ADGRB3: variants seen among roughly 807,000 people sequenced by gnomAD.
ADGRB3 encodes the protein brain-specific angiogenesis inhibitor 3.
In ADGRB3, 37 loss-of-function variants were observed where a neutral mutation model predicts 193.4. The observed-to-expected ratio is 0.19, with a 90% CI of 0.15 to 0.25. The LOEUF is 0.25. Among genes scored for constraint, ADGRB3 ranks in the 10% least tolerant of loss-of-function variants. ADGRB3 has a pLI of 1.00. For missense variants in ADGRB3, 1,637 were observed against 1,852.9 expected (o/e 0.88, Z 2.14); for synonymous variants, 690 against 644.2 (o/e 1.07, Z -1.08).
chr6:68,949,898 T>C (rs1767870266), intron 6 of ADGRB3, among the ~76,000 whole-genome samples: 1 of 152,138 alleles, frequency 6.6e-6, no homozygotes, highest in African/African-American at 2.4e-5. Context: ...CTTATCAACT[T>C]TTTTATCCTT....
chr6:69,218,974 A>G (rs180975386), intron 17 of ADGRB3, among the ~76,000 whole-genome samples: 77 of 152,234 alleles, frequency 5.1e-4, no homozygotes, highest in African/African-American at 1.8e-3. Context: ...TCCACAATGT[A>G]GTTACTGTAC....
intron 11 of ADGRB3, among the ~76,000 whole-genome samples, chr6:69,010,235 C>T (rs984783603): frequency 6.6e-6 from 1 of 151,998 alleles, no homozygotes; most frequent in African/African-American, 2.4e-5. Flanking sequence ...TCCCTGAAAC[C>T]CTCTCCCACC....
Position 69,354,348 on chromosome 6 carries a change from C to G in ADGRB3, c.3555+20C>G, listed in dbSNP as rs373257377. On this transcript the variant is annotated intron_variant, in intron 27 of 31. Transcript: ENST00000370598. Reference sequence around the variant, plus strand: ...ATCATGGTGAGTTTTTATTTTTCCCCGATTGTTAATTAACTCATGATTTCT... The same window carrying G: ...ATCATGGTGAGTTTTTATTTTTCCCGGATTGTTAATTAACTCATGATTTCT... The G allele has an allele frequency of 3.8e-6, 6 of 1,566,562 alleles. No individual in the cohort carries two copies. The highest frequency in any genetic ancestry group is 5.3e-6 in the Non-Finnish European group (6 of 1,137,238).
At chr6:69,106,656 A>G (rs1347822557) in intron 17 of ADGRB3, among the ~76,000 whole-genome samples, 2 of 152,250 alleles carry the variant, frequency 1.3e-5, no homozygotes, top group African/African-American at 4.8e-5. Flanking sequence ...TATGCTTTAT[A>G]GTAAAGCCTG....
At chr6:69,213,177 C>G (rs765499255) in intron 17 of ADGRB3, among the ~76,000 whole-genome samples, 1 of 152,206 alleles carries the variant, frequency 6.6e-6, no homozygotes, top group Admixed American at 6.5e-5. Context: ...ACTCTCCCCA[C>G]TTGGCTTCAG....
At chr6:69,361,611 G>A in intron 29 of ADGRB3, 99 bp downstream of exon 29, 4 of 1,340,864 alleles carry the variant, frequency 3.0e-6, no homozygotes, top group Non-Finnish European at 4.1e-6. Flanking sequence ...TGTGACACTG[G>A]TGTGGGAAGA....
chr6:69,332,703 G>A, intron 23 of ADGRB3: 1 of 985,370 alleles, frequency 1.0e-6, no homozygotes, highest in Non-Finnish European at 1.2e-6. Flanking sequence ...TGCAAAGCAT[G>A]GAAATTAAAT....
At chr6:68,923,552 G>A (rs951669166) in intron 3 of ADGRB3, among the ~76,000 whole-genome samples, 4 of 151,932 alleles carry the variant, frequency 2.6e-5, no homozygotes, top group African/African-American at 9.7e-5. Context: ...ACCAATAGTA[G>A]TACTATAAAA....
intron 17 of ADGRB3, 74 bp downstream of exon 17, chr6:69,076,112 C>A: frequency 1.5e-6 from 2 of 1,306,786 alleles, no homozygotes; most frequent in Non-Finnish European, 2.2e-6. Context: ...CAGCTGCCTG[C>A]TAGTTAACAG....
intron 3 of ADGRB3, among the ~76,000 whole-genome samples, chr6:68,871,397 C>T (rs556154302): frequency 6.6e-6 from 1 of 152,040 alleles, no homozygotes; most frequent in Admixed American, 6.5e-5. Flanking sequence ...TTAACTTAGG[C>T]AAATTTAATG....
chr6:68,955,913 C>CAT, intron 6 of ADGRB3, 111 bp from the exon 7 acceptor site: 1 of 1,021,184 alleles, frequency 9.8e-7, no homozygotes, highest in Non-Finnish European at 1.4e-6. Flanking sequence ...TGTATTCATT[C>CAT]ATAGTCCATT....
At chr6:68,955,310 T>A (rs1256528083) in intron 6 of ADGRB3, among the ~76,000 whole-genome samples, 1 of 152,232 alleles carries the variant, frequency 6.6e-6, no homozygotes, top group Non-Finnish European at 1.5e-5. Flanking sequence ...AACACTGCCA[T>A]GTAATTGATT....
intron 3 of ADGRB3, among the ~76,000 whole-genome samples, chr6:68,897,966 AATTATATATAATATTACAT>A (rs1766286875): frequency 6.8e-6 from 1 of 147,676 alleles, no homozygotes; most frequent in East Asian, 1.9e-4. Context: ...ATATAATAAT[AATTATATATAATATTACAT>A]ATTATATATA....
chr6:69,242,035 C>T (rs556096588), intron 20 of ADGRB3, among the ~76,000 whole-genome samples: 1 of 151,908 alleles, frequency 6.6e-6, no homozygotes, highest in East Asian at 1.9e-4. Flanking sequence ...AACAATATCA[C>T]ATTTTCTAGG....
At chr6:69,018,248 AAATACAGCTAT>A in intron 12 of ADGRB3, 132 bp from the exon 13 acceptor site, 1 of 497,634 alleles carries the variant, frequency 2.0e-6, no homozygotes, top group Non-Finnish European at 3.5e-6. Flanking sequence ...TTAATTTAAA[AAATACAGCTAT>A]TGGCAGCTGT....
chr6:68,871,153 GT>G (rs1765444682), intron 3 of ADGRB3, among the ~76,000 whole-genome samples: 1 of 152,154 alleles, frequency 6.6e-6, no homozygotes, highest in Admixed American at 6.5e-5. Flanking sequence ...AAAAAGAATT[GT>G]TTTATTCTTA....
chr6:69,105,120 A>G (rs1773172655), intron 17 of ADGRB3, among the ~76,000 whole-genome samples: 1 of 152,196 alleles, frequency 6.6e-6, no homozygotes, highest in African/African-American at 2.4e-5. Context: ...CAAACTCTCA[A>G]TTGCAAGAAA....
rs374565920 is a variant in ADGRB3 at position 68,955,979 on chromosome 6, C to T, written c.1196-45C>T. ...CCAGGTACTTTCTGTACAGCTTGTC[C>T]TATTGGAAGATATCCTCATGCTGTC... On this transcript the variant is annotated intron_variant, in intron 6 of 31. Coordinates refer to ENST00000370598, the MANE Select transcript of ADGRB3 (RefSeq NM_001704.3). 4 of 1,591,792 alleles carry T rather than the reference C, an allele frequency of 2.5e-6. No homozygotes were observed. In the African/African-American group the frequency reaches 4.0e-5, roughly 16 times the overall value.
At chr6:68,811,269 C>T (rs1363444895) in intron 3 of ADGRB3, among the ~76,000 whole-genome samples, 1 of 152,034 alleles carries the variant, frequency 6.6e-6, no homozygotes, top group Non-Finnish European at 1.5e-5. Context: ...CATTTTAATT[C>T]TTAGGCACTT....
Sources: allele counts gnomAD v4.1 joint callset (sites outside exome capture counted in the v4.1 genomes callset), GRCh38; gene constraint gnomAD v4.1.1; transcripts MANE v1.5; gene names NCBI Gene and HGNC (gene_info 2026-07-23, HGNC 2026-07-21).